The following HS3ST2 variants were observed in gnomAD, a reference collection of about 807,000 sequenced individuals.
The protein encoded by HS3ST2 is heparan sulfate glucosamine 3-O-sulfotransferase 2.
A neutral mutation model predicts 26.3 loss-of-function variants in HS3ST2; 17 were observed. The observed-to-expected ratio is 0.65, with a 90% CI of 0.44 to 0.97. The LOEUF (loss-of-function observed/expected upper bound fraction) is 0.97. HS3ST2 is among the 50% of genes least tolerant of loss of function. The pLI, the probability that HS3ST2 is intolerant of heterozygous loss-of-function variation, is 0.00. For missense variants in HS3ST2, 402 were observed against 501.2 expected (o/e 0.80, Z 1.89); for synonymous variants, 237 against 219.2 (o/e 1.08, Z -0.72).
At chr16:22,860,173 G>A (rs942388721) in intron 1 of HS3ST2, among the ~76,000 whole-genome samples, 1 of 152,152 alleles carries the variant, frequency 6.6e-6, no homozygotes, top group Non-Finnish European at 1.5e-5. Context: ...AAGGAAAGAG[G>A]TTTAATGGAC....
At chr16:22,874,590 C>T (rs1901886610) in intron 1 of HS3ST2, among the ~76,000 whole-genome samples, 1 of 152,194 alleles carries the variant, frequency 6.6e-6, no homozygotes, top group Non-Finnish European at 1.5e-5. Context: ...CCAAACTCTG[C>T]CAGGCCATAT....
At chr16:22,864,885 A>G (rs1482577534) in intron 1 of HS3ST2, among the ~76,000 whole-genome samples, 1 of 144,382 alleles carries the variant, frequency 6.9e-6, no homozygotes, top group African/African-American at 2.6e-5. Flanking sequence ...GTCTCCACAA[A>G]AAAAAAAAAA....
intron 1 of HS3ST2, among the ~76,000 whole-genome samples, chr16:22,905,934 G>C (rs1567501239): frequency 6.6e-6 from 1 of 152,110 alleles, no homozygotes; most frequent in Non-Finnish European, 1.5e-5. Flanking sequence ...TACAGAAGAG[G>C]GACCTGGGAA....
chr16:22,869,190 G>T (rs548754514), intron 1 of HS3ST2, among the ~76,000 whole-genome samples: 21 of 152,224 alleles, frequency 1.4e-4, no homozygotes, highest in African/African-American at 5.1e-4. Context: ...CTCTCTTCCT[G>T]ATAGAGACCT....
At chr16:22,874,155 C>T (rs1049274294) in intron 1 of HS3ST2, among the ~76,000 whole-genome samples, 2 of 152,170 alleles carry the variant, frequency 1.3e-5, no homozygotes. Context: ...TTTTTGCAAA[C>T]AGCAGGCCCC....
At chr16:22,849,939 A>G (rs1411660449) in intron 1 of HS3ST2, among the ~76,000 whole-genome samples, 1 of 152,192 alleles carries the variant, frequency 6.6e-6, no homozygotes, top group Non-Finnish European at 1.5e-5. Context: ...AACTGTAGCT[A>G]GGGGAATACA....
At chr16:22,896,048 G>A (rs1396131970) in intron 1 of HS3ST2, among the ~76,000 whole-genome samples, 1 of 151,720 alleles carries the variant, frequency 6.6e-6, no homozygotes, top group Non-Finnish European at 1.5e-5. Flanking sequence ...CTGGGCTCAA[G>A]CAATCCTCCT....
At chr16:22,855,075 G>A (rs538928899) in intron 1 of HS3ST2, among the ~76,000 whole-genome samples, 3 of 152,254 alleles carry the variant, frequency 2.0e-5, no homozygotes, top group East Asian at 3.9e-4. Context: ...AAAGTAGAAA[G>A]CAAATGCTGT....
chr16:22,887,786 G>GGAA (rs1555514076), intron 1 of HS3ST2, among the ~76,000 whole-genome samples: 1 of 146,138 alleles, frequency 6.8e-6, no homozygotes, highest in African/African-American at 2.5e-5. Flanking sequence ...ATCTCTACGG[G>GGAA]AAAAAAAAAA....
intron 1 of HS3ST2, among the ~76,000 whole-genome samples, chr16:22,906,992 T>C (rs1902365063): frequency 6.6e-6 from 1 of 152,136 alleles, no homozygotes; most frequent in Non-Finnish European, 1.5e-5. Context: ...ATGAGGGTGC[T>C]AGTAGGCGGT....
intron 1 of HS3ST2, among the ~76,000 whole-genome samples, chr16:22,882,962 C>T (rs1202328307): frequency 6.6e-6 from 1 of 150,662 alleles, no homozygotes; most frequent in African/African-American, 2.4e-5. Flanking sequence ...ACCCAGGAGG[C>T]AGAGGTTGCA....
chr16:22,856,449 C>A (rs1328960002), intron 1 of HS3ST2, among the ~76,000 whole-genome samples: 1 of 152,124 alleles, frequency 6.6e-6, no homozygotes, highest in Non-Finnish European at 1.5e-5. Context: ...ATTATTTTTG[C>A]ATCTTTAAGT....
chr16:22,841,439 G>C (rs1901354983), intron 1 of HS3ST2, among the ~76,000 whole-genome samples: 1 of 152,110 alleles, frequency 6.6e-6, no homozygotes, highest in South Asian at 2.1e-4. Context: ...CAGCCTCACT[G>C]ACTTCTCTCC....
chr16:22,826,136 T>G lies in HS3ST2; in HGVS notation c.485+11041T>G, dbSNP rs185683299. 5.3e-5 allele frequency among the ~76,000 whole-genome samples: 8 copies of G among 152,220 alleles called. No homozygotes were observed. The East Asian group carries it at 1.5e-3, about 29-fold the overall frequency. On this transcript the variant is annotated intron_variant, in intron 1 of 1. Transcript: ENST00000261374. ...GGAGAAATGAAGATGAGAAAGAGAA[T>G]TAATCTCTCTTTTAAAGAGAAGAAG... is the stretch of plus-strand genomic sequence containing the variant.
intron 1 of HS3ST2, among the ~76,000 whole-genome samples, chr16:22,887,874 C>T (rs939508511): frequency 6.6e-6 from 1 of 151,992 alleles, no homozygotes; most frequent in Non-Finnish European, 1.5e-5. Flanking sequence ...ACTTAAGCTT[C>T]TAGGAGTTCA....
At chr16:22,825,612 G>T (rs569853022) in intron 1 of HS3ST2, among the ~76,000 whole-genome samples, 1 of 152,292 alleles carries the variant, frequency 6.6e-6, no homozygotes, top group South Asian at 2.1e-4. Flanking sequence ...GGCCAGAGAG[G>T]ATTTCCTTGG....
At chr16:22,905,952 T>C (rs1199263002) in intron 1 of HS3ST2, among the ~76,000 whole-genome samples, 1 of 152,136 alleles carries the variant, frequency 6.6e-6, no homozygotes, top group Non-Finnish European at 1.5e-5. Flanking sequence ...GAATTTTTTC[T>C]CCAAGACGCA....
intron 1 of HS3ST2, among the ~76,000 whole-genome samples, chr16:22,905,935 G>A (rs1443042970): frequency 6.6e-6 from 1 of 152,138 alleles, no homozygotes; most frequent in Non-Finnish European, 1.5e-5. Context: ...ACAGAAGAGG[G>A]ACCTGGGAAT....
chr16:22,912,710 A>G (rs1889461948), intron 1 of HS3ST2, among the ~76,000 whole-genome samples: 2 of 152,116 alleles, frequency 1.3e-5, no homozygotes, highest in African/African-American at 4.8e-5. Flanking sequence ...AATTACATGC[A>G]AATTAAGGGG....
Sources: gnomAD v4.1 joint callset for allele counts (sites outside exome capture counted in the v4.1 genomes callset) on GRCh38, gnomAD v4.1.1 for gene constraint, MANE v1.5 for transcripts, NCBI Gene and HGNC (gene_info 2026-07-23, HGNC 2026-07-21) for gene names.